ZNF436: variants seen among roughly 807,000 people sequenced by gnomAD.
ZNF436 encodes zinc finger protein 436.
A neutral mutation model predicts 41.9 loss-of-function variants in ZNF436; 22 were observed. That is an observed-to-expected ratio of 0.53 (90% confidence interval 0.38 to 0.75). ZNF436 has a LOEUF of 0.75. Ranked by LOEUF, ZNF436 falls within the 30% of genes least tolerant of loss-of-function variation. The pLI is 0.00. For synonymous variants in ZNF436, 217 were observed against 197.8 expected (o/e 1.10, Z -0.82); for missense variants, 506 against 587.3 (o/e 0.86, Z 1.43).
At chr1:23,364,081 A>C (rs1449530476) in intron 3 of ZNF436, among the ~76,000 whole-genome samples, 1 of 152,188 alleles carries the variant, frequency 6.6e-6, no homozygotes, top group Non-Finnish European at 1.5e-5. Flanking sequence ...TTGAAAGAAC[A>C]CTGGAAGCAG....
In ZNF436 at chr1:23,362,098, G is replaced by C. The variant is rs769597818; in HGVS notation, c.1284C>G (p.Thr428=). Residue 428 remains threonine, a synonymous_variant, in exon 4 of 4, where the codon ACC becomes ACG. Transcript: ENST00000314011. ...GATGTGTGATGAGGTTGGAGCTCTGGGTGAAACCTTTCCCACACTGCACAC... is the reference window on the plus strand; with the variant it reads ...GATGTGTGATGAGGTTGGAGCTCTGCGTGAAACCTTTCCCACACTGCACAC... The part of the protein sequence containing the change: ...YECVQCGKGF[T]QSSNLITHQR... 1 of 1,613,982 alleles carries C rather than the reference G, an allele frequency of 6.2e-7. No individual in the cohort carries two copies. Among genetic ancestry groups the C allele is most frequent in the Admixed American group, 1.7e-5 (1 of 60,016 alleles).
chr1:23,368,356 T>C (rs1638414149), intron 1 of ZNF436: 1 of 250,070 alleles, frequency 4.0e-6, no homozygotes, highest in Non-Finnish European at 7.9e-6. Flanking sequence ...ACGCCTCCGC[T>C]CTGCCATCTC....
At chr1:23,367,249 G>A (rs1398741693) in intron 2 of ZNF436, 81 bp from the exon 3 acceptor site, 13 of 1,439,108 alleles carry the variant, frequency 9.0e-6, no homozygotes, top group Admixed American at 4.6e-5. Flanking sequence ...TATTCAGGAG[G>A]AAAAATATAT....
chr1:23,363,089 CT>C lies in ZNF436; in HGVS notation c.292del (p.Ser98AlafsTer12). ...CCATTGTCTTTCTGACCTATCTCCG[CT>C]TTCAAAGCCCTCTTCACTTTCAGGA... is the stretch of plus-strand genomic sequence containing the variant. ...ENPESEEGFE[S>X]GDRSERQWGD... On this transcript the variant is annotated frameshift_variant, in exon 4 of 4. Coordinates refer to ENST00000314011, the MANE Select transcript of ZNF436 (RefSeq NM_001077195.2). LOFTEE classifies it high-confidence loss of function. The C allele has an allele frequency of 6.2e-7, 1 of 1,614,226 alleles. No homozygotes were observed. The highest frequency in any genetic ancestry group is 8.5e-7 in the Non-Finnish European group (1 of 1,180,048).
chr1:23,369,228 G>T, intron 1 of ZNF436, 138 bp downstream of exon 1: 1 of 432,918 alleles, frequency 2.3e-6, no homozygotes, highest in Non-Finnish European at 4.8e-6. Flanking sequence ...CTGCTACAGG[G>T]GCTCCCAGCG....
intron 3 of ZNF436, 148 bp downstream of exon 3, chr1:23,366,894 T>G: frequency 1.2e-6 from 1 of 855,322 alleles, no homozygotes; most frequent in Admixed American, 2.8e-5. Flanking sequence ...TGTTCCCATA[T>G]TCAAAGATCT....
In ZNF436 at chr1:23,361,819, A is replaced by T. The variant is rs1638236629; in HGVS notation, c.*150T>A. ...AACATTCCCAAAGCTGAGGGTCAGAATTTCAAATGGCTTGTCATCTCTGAT... is the reference window on the plus strand; with the variant it reads ...AACATTCCCAAAGCTGAGGGTCAGATTTTCAAATGGCTTGTCATCTCTGAT... On this transcript the variant is annotated 3_prime_UTR_variant, in exon 4 of 4. Transcript: ENST00000314011. 5.0e-6 allele frequency: 4 copies of T among 802,256 alleles called. No homozygotes were observed. In the Admixed American group the frequency reaches 1.3e-4, roughly 26 times the overall value. The allele number at this position is 802,256 out of a possible 1,614,324, so 49.7% of individuals were successfully genotyped here.
Position 23,362,354 on chromosome 1 carries a change from A to G in ZNF436, c.1028T>C (p.Phe343Ser). The G allele has an allele frequency of 6.2e-7, 1 of 1,613,936 alleles. No homozygotes were observed. The highest frequency in any genetic ancestry group is 8.5e-7 in the Non-Finnish European group (1 of 1,179,986). The change falls in exon 4 of 4, where the codon TTC (phenylalanine) becomes TCC (serine). Residue 343 changes from phenylalanine (F) to serine (S), a missense_variant. By Grantham distance (155) the Phe-to-Ser change is radical. Around this residue, in one of 2 missense-constraint regions of ZNF436, gnomAD observed 278 missense variants for 372.1 expected, o/e 0.75. Transcript: ENST00000314011. ...PYHCNECGEN[F>S]SRISHLVQHQ... Reference sequence around the variant, plus strand: ...CTGAACCAAGTGTGAGATGCGGCTGAAATTTTCCCCACATTCGTTACAGTG... The same window carrying G: ...CTGAACCAAGTGTGAGATGCGGCTGGAATTTTCCCCACATTCGTTACAGTG...
chr1:23,369,565 A>T lies in ZNF436; in HGVS notation c.-260T>A, dbSNP rs1040700079. On this transcript the variant is annotated 5_prime_UTR_variant, in exon 1 of 4. Transcript: ENST00000314011. ...GGCGAAGCCCAGATATCGTAGGCTG[A>T]TCCTAAAGACTCAGATTCCCGAGGC... 4 of 533,372 alleles carry T rather than the reference A, an allele frequency of 7.5e-6. No homozygotes were observed. Among genetic ancestry groups the T allele is most frequent in the Middle Eastern group, 3.2e-4 (1 of 3,144 alleles). The allele number at this position is 533,372 out of a possible 1,614,324, so 33.0% of individuals were successfully genotyped here. A position where few individuals can be genotyped will look rare whatever the true frequency, so the allele number is the denominator to read the frequency against.
intron 1 of ZNF436, among the ~76,000 whole-genome samples, chr1:23,368,789 T>C (rs1024685050): frequency 6.6e-6 from 1 of 152,164 alleles, no homozygotes; most frequent in African/African-American, 2.4e-5. Flanking sequence ...AATGAGCCCC[T>C]GCTTGACAGC....
chr1:23,363,875 A>C (rs1270972239), intron 3 of ZNF436, among the ~76,000 whole-genome samples: 3 of 152,170 alleles, frequency 2.0e-5, no homozygotes, highest in East Asian at 3.9e-4. Context: ...ACCCATCTCT[A>C]CAAAAAAATT....
chr1:23,367,910 C>A, intron 2 of ZNF436, 63 bp downstream of exon 2: 1 of 1,584,470 alleles, frequency 6.3e-7, no homozygotes, highest in African/African-American at 1.3e-5. Context: ...ACTTGCAGAG[C>A]AGAGAAACGC....
intron 3 of ZNF436, 102 bp downstream of exon 3, chr1:23,366,940 G>C: frequency 7.6e-7 from 1 of 1,317,410 alleles, no homozygotes. Context: ...ATCCAATTAA[G>C]TGCTTTAAAA....
At position 23,362,712 on chromosome 1, in the gene ZNF436, A is replaced by G. The variant is rs749844214; in HGVS notation, c.670T>C (p.Cys224Arg). Residue 224 changes from cysteine to arginine, a missense_variant, in exon 4 of 4, where the codon TGT becomes CGT. Transcript: ENST00000314011. ...CAGAAACTTTTTCCACACTCATTAC[A>G]TTTGTGAGGCTTCTCTCCAGTGTGG... ...TIHTGEKPHK[C>R]NECGKSFCRL... 1.2e-6 allele frequency: 2 copies of G among 1,614,120 alleles called. No homozygotes were observed. The highest frequency in any genetic ancestry group is 2.2e-5 in the East Asian group (1 of 44,878).
Position 23,361,903 on chromosome 1 carries a change from C to A in ZNF436, c.*66G>T. On this transcript the variant is annotated 3_prime_UTR_variant, in exon 4 of 4. Coordinates refer to ENST00000314011, the MANE Select transcript of ZNF436 (RefSeq NM_001077195.2). ...GATAAAAGCAGCTCAGTCTTGAGGG[C>A]GTTCATTGATATCAAATAAAATTGT... The A allele has an allele frequency of 6.8e-7, 1 of 1,478,552 alleles. No homozygotes were observed. 91.6% of individuals were successfully genotyped at this position (1,478,552 alleles called of 1,614,324 possible).
chr1:23,362,633 T>C lies in ZNF436; in HGVS notation c.749A>G (p.Tyr250Cys), dbSNP rs2148528309. 1.2e-6 allele frequency: 2 copies of C among 1,614,232 alleles called. No individual in the cohort carries two copies. Among genetic ancestry groups the C allele is most frequent in the Non-Finnish European group, 1.7e-6 (2 of 1,180,042 alleles). The change falls in exon 4 of 4, where the codon TAT becomes TGT. Residue 250 changes from tyrosine to cysteine, a missense_variant. Physicochemically the swap from Tyr to Cys is radical, Grantham distance 194 (BLOSUM62 -2). Coordinates refer to ENST00000314011, the MANE Select transcript of ZNF436 (RefSeq NM_001077195.2). ...GCTTTTCCCACACTCCTCACACTCA[T>C]AGGGTTTCTCACCACTGTGGGTCCT... ...HQRTHSGEKP[Y>C]ECEECGKSFS...
Position 23,362,059 on chromosome 1 carries a change from C to T in ZNF436, c.1323G>A (p.Thr441=), listed in dbSNP as rs574368797. The change falls in exon 4 of 4, where the codon ACG becomes ACA. Residue 441 remains threonine (T), a synonymous_variant. Coordinates refer to ENST00000314011, the MANE Select transcript of ZNF436 (RefSeq NM_001077195.2). Reference sequence around the variant, plus strand: ...CGGTACATTCATAAGGTTTCTCTCCCGTGTGAACTCTTTGATGTGTGATGA... The same window carrying T: ...CGGTACATTCATAAGGTTTCTCTCCTGTGTGAACTCTTTGATGTGTGATGA... The part of the protein sequence containing the change: ...SNLITHQRVH[T]GEKPYECTEC... 2.0e-5 allele frequency: 32 copies of T among 1,614,180 alleles called. No individual in the cohort carries two copies. Among genetic ancestry groups the T allele is most frequent in the Middle Eastern group, 3.3e-4 (2 of 6,062 alleles).
chr1:23,362,923 A>C lies in ZNF436; in HGVS notation c.459T>G (p.Leu153=). 6.2e-7 allele frequency: 1 copy of C among 1,614,188 alleles called. No homozygotes were observed. The highest frequency in any genetic ancestry group is 8.5e-7 in the Non-Finnish European group (1 of 1,180,032). Residue 153 remains leucine (L), a synonymous_variant, in exon 4 of 4, where the codon CTT becomes CTG. Transcript: ENST00000314011. The part of the protein sequence containing the change: ...CGKAFSQISD[L]NRHQKTHTGD... ...CAGTGTGGGTCTTCTGATGTCGATT[A>C]AGGTCTGAGATCTGACTGAAGGCCT...
At chr1:23,367,202 A>T in intron 2 of ZNF436, 34 bp from the exon 3 acceptor site, 1 of 1,549,428 alleles carries the variant, frequency 6.5e-7, no homozygotes, top group Non-Finnish European at 8.7e-7. Flanking sequence ...ACTATTCTGT[A>T]TTTAGGACTT....
Sources: allele counts gnomAD v4.1 joint callset (sites outside exome capture counted in the v4.1 genomes callset), GRCh38; gene constraint gnomAD v4.1.1; regional missense constraint gnomAD v4.1.1; transcripts MANE v1.5; gene names NCBI Gene and HGNC (gene_info 2026-07-23, HGNC 2026-07-21).